Variants in ARHGAP6 observed in about 807,000 individuals in gnomAD.
ARHGAP6 encodes the protein Rho GTPase activating protein 6, also known as rho GTPase-activating protein 6.
In ARHGAP6, 16 loss-of-function variants were observed where a neutral mutation model predicts 55.7. The observed-to-expected ratio is 0.29, with a 90% CI of 0.19 to 0.44. The LOEUF (loss-of-function observed/expected upper bound fraction) is 0.44. ARHGAP6 is among the 20% of genes least tolerant of loss of function. The pLI is 1.00. For synonymous variants in ARHGAP6, 382 were observed against 360.9 expected, an observed-to-expected ratio of 1.06 and a Z score of -0.66; for missense variants, 698 against 808.9, an observed-to-expected ratio of 0.86 and a Z score of 1.66.
intron 1 of ARHGAP6, among the ~76,000 whole-genome samples, chrX:11,319,473 G>A (rs766287756): frequency 1.3e-4 from 15 of 111,803 alleles, no homozygotes; most frequent in Middle Eastern, 4.6e-3. Context: ...AGCTGCTGAT[G>A]GTTCCGGGAT....
chrX:11,248,484 C>T (rs1172154491), intron 2 of ARHGAP6, among the ~76,000 whole-genome samples: 1 of 111,887 alleles, frequency 8.9e-6, no homozygotes, highest in Non-Finnish European at 1.9e-5. Flanking sequence ...ACAGACAACC[C>T]ACAGAGTGGG....
intron 1 of ARHGAP6, among the ~76,000 whole-genome samples, chrX:11,404,047 G>A (rs1469844756): frequency 8.9e-6 from 1 of 112,015 alleles, no homozygotes; most frequent in Non-Finnish European, 1.9e-5. Flanking sequence ...ATATGTTACA[G>A]ATATCCAAGT....
chrX:11,611,327 G>T (rs1354201766), intron 1 of ARHGAP6, among the ~76,000 whole-genome samples: 1 of 112,113 alleles, frequency 8.9e-6, no homozygotes, highest in Non-Finnish European at 1.9e-5. Context: ...AGAAGACCTT[G>T]TAGGGAATGA....
chrX:11,479,203 T>G (rs1483551928), intron 1 of ARHGAP6, among the ~76,000 whole-genome samples: 1 of 112,016 alleles, frequency 8.9e-6, no homozygotes, highest in Non-Finnish European at 1.9e-5. Context: ...CTTGGAAGGT[T>G]TCTCACAGGC....
At chrX:11,632,903 G>A (rs938954429) in intron 1 of ARHGAP6, among the ~76,000 whole-genome samples, 4 of 111,709 alleles carry the variant, frequency 3.6e-5, no homozygotes, top group African/African-American at 1.3e-4. Flanking sequence ...CCTTTGTGCT[G>A]AAGCCAGCTC....
At chrX:11,204,521 G>T (rs2046676505) in intron 2 of ARHGAP6, among the ~76,000 whole-genome samples, 1 of 111,578 alleles carries the variant, frequency 9.0e-6, no homozygotes, top group African/African-American at 3.3e-5. Flanking sequence ...TTCTCTTAAT[G>T]ACACCCAGTG....
At chrX:11,211,317 G>A (rs1346146768) in intron 2 of ARHGAP6, among the ~76,000 whole-genome samples, 1 of 106,746 alleles carries the variant, frequency 9.4e-6, no homozygotes, top group Admixed American at 1.0e-4. Context: ...CGCCTCCTGG[G>A]TTCACGCCAT....
At chrX:11,306,966 G>C (rs2048244269) in intron 1 of ARHGAP6, among the ~76,000 whole-genome samples, 1 of 111,555 alleles carries the variant, frequency 9.0e-6, no homozygotes, top group East Asian at 2.8e-4. Flanking sequence ...CCTACGCTAG[G>C]ACAACATTGC....
chrX:11,646,908 A>G (rs1475751849), intron 1 of ARHGAP6, among the ~76,000 whole-genome samples: 1 of 112,274 alleles, frequency 8.9e-6, no homozygotes, highest in African/African-American at 3.2e-5. Flanking sequence ...TTTTAAAGGA[A>G]CCTTTATATT....
chrX:11,184,921 A>G (rs1471649694), intron 5 of ARHGAP6, among the ~76,000 whole-genome samples: 1 of 112,300 alleles, frequency 8.9e-6, no homozygotes, highest in Non-Finnish European at 1.9e-5. Context: ...GGTATAGCCT[A>G]CTATACACCT....
chrX:11,644,796 G>A (rs2052510605), intron 1 of ARHGAP6, among the ~76,000 whole-genome samples: 1 of 111,683 alleles, frequency 9.0e-6, no homozygotes, highest in African/African-American at 3.2e-5. Flanking sequence ...TTCTCATAAA[G>A]TTAACCATAC....
chrX:11,393,782 C>T (rs1045018838), intron 1 of ARHGAP6, among the ~76,000 whole-genome samples: 3 of 111,610 alleles, frequency 2.7e-5, no homozygotes, highest in African/African-American at 6.5e-5. Flanking sequence ...TGAGAGCTGT[C>T]TCAGCCCAGA....
chrX:11,212,532 C>T lies in ARHGAP6; in HGVS notation c.749-15536G>A, dbSNP rs980684393. ...AGTGAAGATCATAAAATTAGATCTC[C>T]GTCTCCCTGTGTGTTTCACACATCA... is the stretch of plus-strand genomic sequence containing the variant. On this transcript the variant is annotated intron_variant, in intron 2 of 12. Transcript: ENST00000337414. 6.2e-5 allele frequency among the ~76,000 whole-genome samples: 7 copies of T among 112,344 alleles called. No homozygotes were observed. The East Asian group carries it at 1.4e-3, about 23-fold the overall frequency.
intron 10 of ARHGAP6, among the ~76,000 whole-genome samples, chrX:11,152,308 G>A (rs953753984): frequency 8.9e-6 from 1 of 112,345 alleles, no homozygotes; most frequent in Non-Finnish European, 1.9e-5. Context: ...ACAGATAACT[G>A]ACTACACAAA....
intron 1 of ARHGAP6, chrX:11,290,400 C>T (rs767414488): frequency 2.7e-6 from 1 of 375,572 alleles, no homozygotes; most frequent in Non-Finnish European, 5.3e-6. Flanking sequence ...CTAAGGGTTG[C>T]GGTGGGGTCA....
chrX:11,461,240 T>C (rs1246469279), intron 1 of ARHGAP6, among the ~76,000 whole-genome samples: 2 of 112,348 alleles, frequency 1.8e-5, no homozygotes. Flanking sequence ...TCTTTTCATA[T>C]ACAGAGAAGA....
chrX:11,464,415 G>A (rs1025107364), intron 1 of ARHGAP6, among the ~76,000 whole-genome samples: 2 of 111,914 alleles, frequency 1.8e-5, no homozygotes, highest in Non-Finnish European at 3.8e-5. Context: ...TAAACAAGGA[G>A]TACACACAAG....
chrX:11,288,819 G>A (rs2047952855), intron 1 of ARHGAP6, among the ~76,000 whole-genome samples: 1 of 112,186 alleles, frequency 8.9e-6, no homozygotes, highest in Admixed American at 9.4e-5. Flanking sequence ...CCATGTTGCT[G>A]TATGGATCAG....
chrX:11,174,560 TCCTTCCTTCC>T (rs2046146753), intron 8 of ARHGAP6, among the ~76,000 whole-genome samples: 1 of 84,694 alleles, frequency 1.2e-5, no homozygotes, highest in Non-Finnish European at 2.4e-5. Flanking sequence ...CTTCCTTCCT[TCCTTCCTTCC>T]TTCCTTTCTT....
Sources: gnomAD v4.1 joint callset for allele counts (sites outside exome capture counted in the v4.1 genomes callset) on GRCh38, gnomAD v4.1.1 for gene constraint, MANE v1.5 for transcripts, NCBI Gene and HGNC (gene_info 2026-07-23, HGNC 2026-07-21) for gene names.